The following TXNRD1 variants were observed in gnomAD, a reference collection of about 807,000 sequenced individuals.
TXNRD1 encodes thioredoxin reductase 1.
A neutral mutation model predicts 80.3 loss-of-function variants in TXNRD1; 57 were observed. That is an observed-to-expected ratio of 0.71 (90% CI 0.57 to 0.89). The LOEUF is 0.89. Among genes scored for constraint, TXNRD1 ranks in the 40% least tolerant of loss-of-function variants. The probability of loss-of-function intolerance (pLI) is 0.00; values close to 1 mark genes in which losing one functional copy is unlikely to be tolerated. For missense variants in TXNRD1, 730 were observed against 803.0 expected (o/e 0.91, Z 1.10); for synonymous variants, 291 against 285.2 (o/e 1.02, Z -0.20).
intron 12 of TXNRD1, among the ~76,000 whole-genome samples, chr12:104,327,118 A>T (rs2035793342): frequency 6.6e-6 from 1 of 152,188 alleles, no homozygotes; most frequent in Non-Finnish European, 1.5e-5. Context: ...TAGATTTTTT[A>T]AACCTAATTT....
intron 3 of TXNRD1, 127 bp from the exon 4 acceptor site, chr12:104,288,804 A>C: frequency 1.9e-6 from 3 of 1,592,622 alleles, no homozygotes; most frequent in East Asian, 2.3e-5. Flanking sequence ...GCTAACTTGC[A>C]AGGGAGTCAA....
intron 1 of TXNRD1, among the ~76,000 whole-genome samples, chr12:104,222,015 G>A (rs2032368066): frequency 6.6e-6 from 1 of 152,148 alleles, no homozygotes; most frequent in Admixed American, 6.5e-5. Context: ...CTTTGGGTGG[G>A]AAAATGAGTG....
intron 1 of TXNRD1, among the ~76,000 whole-genome samples, chr12:104,227,680 A>G (rs2032504483): frequency 6.6e-6 from 1 of 152,182 alleles, no homozygotes; most frequent in Admixed American, 6.6e-5. Context: ...CAGCCTCCCC[A>G]GTTGATTAGG....
intron 1 of TXNRD1, among the ~76,000 whole-genome samples, chr12:104,237,442 T>C (rs1172324963): frequency 6.6e-6 from 1 of 152,188 alleles, no homozygotes; most frequent in African/African-American, 2.4e-5. Context: ...TCTTCTCCCA[T>C]AGTATCTTCC....
chr12:104,301,677 A>G (rs2034631668), intron 4 of TXNRD1, among the ~76,000 whole-genome samples: 1 of 152,170 alleles, frequency 6.6e-6, no homozygotes, highest in African/African-American at 2.4e-5. Context: ...AGCTCCTAAG[A>G]ATATCGTTCA....
chr12:104,267,852 T>A (rs1320182472), intron 3 of TXNRD1, among the ~76,000 whole-genome samples: 2 of 136,758 alleles, frequency 1.5e-5, no homozygotes, highest in Admixed American at 1.5e-4. Context: ...CCTTCCTCTC[T>A]CTCTTTTTTT....
At chr12:104,311,967 G>A (rs1010597303) in intron 5 of TXNRD1, among the ~76,000 whole-genome samples, 2 of 151,442 alleles carry the variant, frequency 1.3e-5, no homozygotes, top group African/African-American at 2.4e-5. Context: ...GTCAACAGGA[G>A]CAAAACTCTG....
intron 8 of TXNRD1, 100 bp from the exon 9 acceptor site, chr12:104,319,370 A>C (rs940208432): frequency 2.6e-6 from 2 of 767,412 alleles, no homozygotes; most frequent in African/African-American, 3.5e-5. Context: ...CATTATGAGG[A>C]TGAAATGAGA....
intron 4 of TXNRD1, among the ~76,000 whole-genome samples, chr12:104,293,373 C>A (rs77868601): frequency 6.6e-6 from 1 of 152,154 alleles, no homozygotes; most frequent in African/African-American, 2.4e-5. Flanking sequence ...CCAAGCAATG[C>A]GGGATTAATA....
rs1011311600 is a variant in TXNRD1, at chr12:104,331,165, T to C, written c.1543-369T>C. 2.6e-5 allele frequency among the ~76,000 whole-genome samples: 4 copies of C among 152,196 alleles called. No homozygotes were observed. The South Asian group carries it at 6.2e-4, about 24-fold the overall frequency. ...TAATTGATGTTTTAAAGAAATCTTT[T>C]AATTTTTTATCACTGATAATCCAAA... On this transcript the variant is annotated intron_variant, in intron 13 of 16. Coordinates refer to ENST00000525566, the MANE Select transcript of TXNRD1 (RefSeq NM_001093771.3).
chr12:104,291,196 C>CTTTT (rs35069007), intron 4 of TXNRD1: 5 of 136,372 alleles, frequency 3.7e-5, no homozygotes, highest in South Asian at 9.0e-5. Flanking sequence ...TACTTTGTGT[C>CTTTT]TTTTTTTTTT....
chr12:104,324,101 G>C (rs990900169), intron 10 of TXNRD1, among the ~76,000 whole-genome samples: 2 of 152,164 alleles, frequency 1.3e-5, no homozygotes, highest in Non-Finnish European at 2.9e-5. Flanking sequence ...CCTGATTGAA[G>C]TACAAAAGTG....
At chr12:104,300,292 T>C (rs1365109283) in intron 4 of TXNRD1, among the ~76,000 whole-genome samples, 12 of 152,190 alleles carry the variant, frequency 7.9e-5, no homozygotes, top group Non-Finnish European at 1.5e-4. Flanking sequence ...TATTGAACCC[T>C]GGGTAGCAAC....
intron 4 of TXNRD1, chr12:104,304,564 G>C: frequency 6.2e-7 from 1 of 1,614,062 alleles, no homozygotes; most frequent in South Asian, 1.1e-5. Context: ...AGTTGGACCT[G>C]AGTAGTTATC....
At chr12:104,239,339 G>A (rs1036187748) in intron 1 of TXNRD1, among the ~76,000 whole-genome samples, 10 of 151,864 alleles carry the variant, frequency 6.6e-5, no homozygotes, top group Admixed American at 5.3e-4. Flanking sequence ...GATTACAGGC[G>A]TGTGCCACTA....
intron 16 of TXNRD1, among the ~76,000 whole-genome samples, chr12:104,341,070 G>A (rs908558762): frequency 6.6e-6 from 1 of 152,170 alleles, no homozygotes. Context: ...CAGCGTACAT[G>A]GCAGCATCTG....
intron 7 of TXNRD1, among the ~76,000 whole-genome samples, chr12:104,316,517 G>A (rs991619199): frequency 1.5e-4 from 23 of 152,080 alleles, no homozygotes; most frequent in Non-Finnish European, 2.8e-4. Flanking sequence ...AGCCTCCCGA[G>A]TAGCTGGGAT....
intron 4 of TXNRD1, among the ~76,000 whole-genome samples, chr12:104,303,270 C>A (rs2034715330): frequency 6.6e-6 from 1 of 152,182 alleles, no homozygotes; most frequent in South Asian, 2.1e-4. Flanking sequence ...ACCCGATTTA[C>A]ATTTGTATAA....
At chr12:104,323,845 A>G (rs907849345) in intron 10 of TXNRD1, among the ~76,000 whole-genome samples, 17 of 151,142 alleles carry the variant, frequency 1.1e-4, no homozygotes, top group Non-Finnish European at 2.2e-4. Flanking sequence ...GGGGACCTAT[A>G]TACAATTTTT....
Sources: gnomAD v4.1 joint callset for allele counts (sites outside exome capture counted in the v4.1 genomes callset) on GRCh38, gnomAD v4.1.1 for gene constraint, MANE v1.5 for transcripts, NCBI Gene and HGNC (gene_info 2026-07-23, HGNC 2026-07-21) for gene names.